APH1B: variants seen among roughly 807,000 people sequenced by gnomAD.
The protein encoded by APH1B is aph-1B gamma-secretase subunit.
A neutral mutation model predicts 28.2 loss-of-function variants in APH1B; 27 were observed. That is an observed-to-expected ratio of 0.96 (90% CI 0.70 to 1.32). APH1B has a LOEUF of 1.32. Among genes scored for constraint, APH1B ranks in the 40% most tolerant of loss-of-function variants. The pLI, the probability that APH1B is intolerant of heterozygous loss-of-function variation, is 0.00. For missense variants in APH1B, 305 were observed against 313.6 expected (o/e 0.97, Z 0.21); for synonymous variants, 141 against 124.6 (o/e 1.13, Z -0.88).
intron 2 of APH1B, 136 bp downstream of exon 2, chr15:63,279,467 G>A: frequency 1.4e-6 from 1 of 717,650 alleles, no homozygotes; most frequent in Non-Finnish European, 2.0e-6. Context: ...TACATTTCCA[G>A]CCTGAAAATC....
chr15:63,279,622 A>C (rs377059653), intron 2 of APH1B, among the ~76,000 whole-genome samples: 8 of 152,308 alleles, frequency 5.3e-5, no homozygotes, highest in African/African-American at 1.9e-4. Context: ...CTCTGGCTTC[A>C]TGGAGCTTAT....
intron 2 of APH1B, among the ~76,000 whole-genome samples, chr15:63,279,972 A>G (rs1318085589): frequency 6.6e-6 from 1 of 151,856 alleles, no homozygotes; most frequent in Non-Finnish European, 1.5e-5. Flanking sequence ...TAATTTTTGT[A>G]ATTTTAGTAG....
In APH1B at chr15:63,305,802, C is replaced by T. The variant is rs763221025; in HGVS notation, c.*21C>T. The T allele has an allele frequency of 6.2e-7, 1 of 1,605,966 alleles. No individual in the cohort carries two copies. The highest frequency in any genetic ancestry group is 8.5e-7 in the Non-Finnish European group (1 of 1,177,446). On this transcript the variant is annotated 3_prime_UTR_variant, in exon 6 of 6. Coordinates refer to ENST00000261879, the MANE Select transcript of APH1B (RefSeq NM_031301.4). The stretch of plus-strand genomic sequence containing the variant: ...GATAACCTCAGGGAACCAGCACTTC[C>T]CAAACCGCAGACTACATCTTTAGAG...
chr15:63,304,897 G>T lies in APH1B; in HGVS notation c.607-717G>T, dbSNP rs1309573675. On this transcript the variant is annotated intron_variant, in intron 5 of 5. Coordinates refer to ENST00000261879, the MANE Select transcript of APH1B (RefSeq NM_031301.4). This position sits in a 1 kb window ranked among gnomAD's most constrained non-coding sequence, Gnocchi z 5.1. ...CCTGCCATGCCCACGGAGGCCTCTT[G>T]AGAAGAGCAGTCTTTCTGCATAAGG... Among the ~76,000 whole-genome samples, 1 of 152,222 alleles carries T rather than the reference G, an allele frequency of 6.6e-6. No homozygotes were observed. Among genetic ancestry groups the T allele is most frequent in the African/African-American group, 2.4e-5 (1 of 41,456 alleles).
rs199884325 is a variant in APH1B, at chr15:63,305,936, C to G, written c.*155C>G. On this transcript the variant is annotated 3_prime_UTR_variant, in exon 6 of 6. Transcript: ENST00000261879. Reference sequence around the variant, plus strand: ...TTCACTTGGCTTTCACACAACTGCTCTCCGAAAGGGGTGCTCAGTGGTGTG... The same window carrying G: ...TTCACTTGGCTTTCACACAACTGCTGTCCGAAAGGGGTGCTCAGTGGTGTG... 1.0e-6 allele frequency: 1 copy of G among 998,088 alleles called. No homozygotes were observed. The highest frequency in any genetic ancestry group is 1.4e-6 in the Non-Finnish European group (1 of 704,286). The allele number at this position is 998,088 out of a possible 1,614,324, so 61.8% of individuals were successfully genotyped here.
intron 2 of APH1B, among the ~76,000 whole-genome samples, chr15:63,282,537 A>T (rs73445408): frequency 5.6e-4 from 86 of 152,302 alleles, no homozygotes; most frequent in African/African-American, 1.9e-3. Flanking sequence ...TAATTTTTTT[A>T]AAATCCAAGT....
chr15:63,287,595 A>G, intron 4 of APH1B, 49 bp downstream of exon 4: 2 of 1,594,114 alleles, frequency 1.3e-6, no homozygotes, highest in Non-Finnish European at 1.7e-6. Flanking sequence ...CTAAATGATC[A>G]TTCTTATTGG....
At chr15:63,283,880 G>A (rs1437665281) in intron 2 of APH1B, among the ~76,000 whole-genome samples, 2 of 152,040 alleles carry the variant, frequency 1.3e-5, no homozygotes, top group African/African-American at 4.8e-5. Flanking sequence ...GTAAGGTAAT[G>A]GTCCACCTTC....
chr15:63,284,024 A>G (rs2038418637), intron 2 of APH1B, among the ~76,000 whole-genome samples: 1 of 152,122 alleles, frequency 6.6e-6, no homozygotes. Context: ...TGGACTGTCA[A>G]TTTTATTCTG....
chr15:63,302,828 CAT>C (rs1491113128), intron 5 of APH1B, among the ~76,000 whole-genome samples: 2 of 152,130 alleles, frequency 1.3e-5, no homozygotes, highest in South Asian at 2.1e-4. Flanking sequence ...TCGTATAACA[CAT>C]GTGTCCTTGG....
rs769780253 is a variant in APH1B, at chr15:63,279,328, TAAAG to T, written c.282_284+1del. The T allele has an allele frequency of 6.3e-7, 1 of 1,588,048 alleles. No individual in the cohort carries two copies. Among genetic ancestry groups the T allele is most frequent in the South Asian group, 1.1e-5 (1 of 88,428 alleles). On this transcript the variant is annotated splice_donor_variant and coding_sequence_variant, in exon 2 of 6. Transcript: ENST00000261879. LOFTEE classifies it high-confidence loss of function. Reference sequence around the variant, plus strand: ...TTCCGATTTGCATATTATAAACTCTTAAAGTAAGTTAAATACCTGCCTTACCTTT... The same window carrying T: ...TTCCGATTTGCATATTATAAACTCTTTAAGTTAAATACCTGCCTTACCTTT...
intron 2 of APH1B, among the ~76,000 whole-genome samples, chr15:63,281,906 T>G (rs144514562): frequency 3.4e-4 from 51 of 152,210 alleles, no homozygotes; most frequent in African/African-American, 1.2e-3. Context: ...TGCCAGGAAG[T>G]TCAGAGAAGC....
At chr15:63,300,396 T>C (rs1416807701) in intron 4 of APH1B, among the ~76,000 whole-genome samples, 1 of 152,216 alleles carries the variant, frequency 6.6e-6, no homozygotes, top group Non-Finnish European at 1.5e-5. Context: ...GACATTTGAT[T>C]GTCATCTAGA....
At position 63,279,354 on chromosome 15, in the gene APH1B, CT is replaced by C. The variant is rs148936878; in HGVS notation, c.284+31del. 1.1e-3 allele frequency: 1,713 copies of C among 1,565,310 alleles called. 12 individuals are homozygous for C. In the African/African-American group the frequency reaches 0.018, roughly 16 times the overall value. ...AAAGTAAGTTAAATACCTGCCTTAC[CT>C]TTTTTTTCCCCAGTTAGATTTTAGT... On this transcript the variant is annotated intron_variant, in intron 2 of 5. Transcript: ENST00000261879.
intron 4 of APH1B, among the ~76,000 whole-genome samples, chr15:63,301,271 C>T (rs960199671): frequency 2.6e-5 from 4 of 152,238 alleles, no homozygotes; most frequent in Non-Finnish European, 4.4e-5. Context: ...TAATGCTAGA[C>T]TGTTTTCCTA....
intron 2 of APH1B, among the ~76,000 whole-genome samples, chr15:63,283,773 G>C (rs565379995): frequency 1.3e-5 from 2 of 152,030 alleles, no homozygotes; most frequent in African/African-American, 4.8e-5. Flanking sequence ...CCCAACCCAC[G>C]GTCATGAAGA....
chr15:63,287,182 C>T (rs3743319), intron 3 of APH1B: 58,740 of 411,414 alleles, frequency 0.14, 5,820 homozygotes, highest in East Asian at 0.42. Flanking sequence ...CTTTCTAGAC[C>T]CTTTTCTCCC....
In APH1B at chr15:63,277,817, C is replaced by T. The variant is rs2038341283; in HGVS notation, c.113+81C>T. On this transcript the variant is annotated intron_variant, in intron 1 of 5. Transcript: ENST00000261879. The stretch of plus-strand genomic sequence containing the variant: ...TTACCCGCGACCCTCGGCGCCCCCA[C>T]CGCGCGGCTCGACCTTGTTGCGTTT... 4 of 1,369,170 alleles carry T rather than the reference C, an allele frequency of 2.9e-6. No homozygotes were observed. The South Asian group carries it at 3.8e-5, about 13-fold the overall frequency. 84.8% of individuals were successfully genotyped at this position (1,369,170 alleles called of 1,614,324 possible).
At chr15:63,281,535 A>G (rs1399677460) in intron 2 of APH1B, among the ~76,000 whole-genome samples, 3 of 41,812 alleles carry the variant, frequency 7.2e-5, no homozygotes, top group East Asian at 1.3e-3. Flanking sequence ...TCTAATTTTG[A>G]AAAAAAAAAA....
Sources: allele counts gnomAD v4.1 joint callset (sites outside exome capture counted in the v4.1 genomes callset), GRCh38; gene constraint gnomAD v4.1.1; non-coding constraint Gnocchi (gnomAD v3.1); transcripts MANE v1.5; gene names NCBI Gene and HGNC (gene_info 2026-07-23, HGNC 2026-07-21).